The following TMCC1 variants were observed in gnomAD, a reference collection of about 807,000 sequenced individuals.
TMCC1 encodes the protein transmembrane and coiled-coil domains protein 1.
In TMCC1, 15 loss-of-function variants were observed where a neutral mutation model predicts 52.4. The observed-to-expected ratio is 0.29, with a 90% CI of 0.19 to 0.44. The LOEUF is 0.44. Among genes scored for constraint, TMCC1 ranks in the 20% least tolerant of loss-of-function variants. The probability of loss-of-function intolerance (pLI) is 1.00; values close to 1 mark genes in which losing one functional copy is unlikely to be tolerated. For missense variants in TMCC1, 503 were observed against 806.0 expected (o/e 0.62, Z 4.55); for synonymous variants, 279 against 301.9 (o/e 0.92, Z 0.79).
At chr3:129,873,189 C>A (rs1002576325) in intron 2 of TMCC1, among the ~76,000 whole-genome samples, 3 of 152,082 alleles carry the variant, frequency 2.0e-5, no homozygotes, top group Non-Finnish European at 2.9e-5. Context: ...GCATGAGCCA[C>A]CGCGCCCAGC....
intron 5 of TMCC1, 64 bp downstream of exon 5, chr3:129,670,266 C>T: frequency 6.6e-7 from 1 of 1,513,548 alleles, no homozygotes; most frequent in South Asian, 1.3e-5. Flanking sequence ...AAGCCATTTC[C>T]CCATATCTAA....
At chr3:129,708,454 GCTTTTT>G (rs1373709674) in intron 4 of TMCC1, among the ~76,000 whole-genome samples, 1 of 152,134 alleles carries the variant, frequency 6.6e-6, no homozygotes. Flanking sequence ...CATCCTGTTT[GCTTTTT>G]CTTTAACTGA....
At chr3:129,783,446 A>AT (rs374772517) in intron 4 of TMCC1, among the ~76,000 whole-genome samples, 8 of 151,788 alleles carry the variant, frequency 5.3e-5, no homozygotes, top group African/African-American at 7.3e-5. Context: ...TTTTATGATC[A>AT]TTTTTTTTCC....
At chr3:129,726,897 A>AAAAAAAAAAAAAAAAAAAAC (rs2050148706) in intron 4 of TMCC1, among the ~76,000 whole-genome samples, 1 of 142,650 alleles carries the variant, frequency 7.0e-6, no homozygotes, top group Non-Finnish European at 1.5e-5. Context: ...AAAAAAAAAA[A>AAAAAAAAAAAAAAAAAAAAC]AGAACCACTG....
chr3:129,848,972 C>T (rs150312158), intron 2 of TMCC1, among the ~76,000 whole-genome samples: 158 of 152,162 alleles, frequency 1.0e-3, no homozygotes, highest in African/African-American at 3.4e-3. Flanking sequence ...GCCCATTCTA[C>T]AGTCTTATTG....
intron 4 of TMCC1, among the ~76,000 whole-genome samples, chr3:129,770,413 G>C (rs1470540154): frequency 1.3e-5 from 2 of 152,022 alleles, no homozygotes; most frequent in Non-Finnish European, 2.9e-5. Flanking sequence ...TTACTCAGGA[G>C]GCTGAGATAG....
chr3:129,889,478 G>A (rs1429045382), intron 1 of TMCC1, among the ~76,000 whole-genome samples: 6 of 152,178 alleles, frequency 3.9e-5, no homozygotes, highest in Non-Finnish European at 8.8e-5. Context: ...TATGGTCTCT[G>A]TGATAATGTA....
intron 4 of TMCC1, among the ~76,000 whole-genome samples, chr3:129,823,571 G>C (rs185703776): frequency 9.2e-5 from 14 of 151,928 alleles, no homozygotes; most frequent in Non-Finnish European, 1.5e-4. Flanking sequence ...TTCAACATTG[G>C]GCTAACTTGC....
At chr3:129,779,683 T>A (rs765268371) in intron 4 of TMCC1, among the ~76,000 whole-genome samples, 2 of 152,174 alleles carry the variant, frequency 1.3e-5, no homozygotes, top group Non-Finnish European at 2.9e-5. Context: ...AAGACATATC[T>A]TTCCAAGTAA....
At chr3:129,705,260 T>G (rs929459244) in intron 4 of TMCC1, among the ~76,000 whole-genome samples, 1 of 152,168 alleles carries the variant, frequency 6.6e-6, no homozygotes, top group African/African-American at 2.4e-5. Context: ...GCCTGGAGAC[T>G]CTGGTCTTAA....
intron 1 of TMCC1, among the ~76,000 whole-genome samples, chr3:129,887,536 G>A (rs2061768828): frequency 1.5e-5 from 2 of 133,728 alleles, no homozygotes; most frequent in South Asian, 2.3e-4. Context: ...GCAAGACTCC[G>A]TCTCTCAAAA....
intron 4 of TMCC1, among the ~76,000 whole-genome samples, chr3:129,701,856 G>A (rs1024583042): frequency 3.3e-5 from 5 of 152,052 alleles, no homozygotes; most frequent in African/African-American, 1.2e-4. Context: ...ACCACCTCCA[G>A]ACTCAAAGAT....
intron 2 of TMCC1, among the ~76,000 whole-genome samples, chr3:129,874,165 T>C (rs951929430): frequency 1.6e-4 from 25 of 152,344 alleles, no homozygotes; most frequent in African/African-American, 5.8e-4. Context: ...TTTCAACATC[T>C]GCATATTCCT....
chr3:129,771,061 C>G (rs1219935952), intron 4 of TMCC1, among the ~76,000 whole-genome samples: 1 of 152,242 alleles, frequency 6.6e-6, no homozygotes, highest in African/African-American at 2.4e-5. Flanking sequence ...GAATCCCTGA[C>G]AGCTATCCCT....
chr3:129,776,187 C>G (rs2055024813), intron 4 of TMCC1, among the ~76,000 whole-genome samples: 1 of 152,208 alleles, frequency 6.6e-6, no homozygotes, highest in African/African-American at 2.4e-5. Flanking sequence ...CTTGATTTGT[C>G]TTTCTAGGAC....
At chr3:129,757,249 C>T (rs960708150) in intron 4 of TMCC1, among the ~76,000 whole-genome samples, 1 of 152,152 alleles carries the variant, frequency 6.6e-6, no homozygotes, top group Admixed American at 6.5e-5. Flanking sequence ...AAGGCACAGT[C>T]CCACAGGTCC....
At chr3:129,676,666 T>C (rs1317278352) in intron 4 of TMCC1, among the ~76,000 whole-genome samples, 1 of 152,092 alleles carries the variant, frequency 6.6e-6, no homozygotes, top group South Asian at 2.1e-4. Flanking sequence ...TTGAGAATAA[T>C]CACGTGTAAA....
intron 3 of TMCC1, among the ~76,000 whole-genome samples, chr3:129,829,826 T>C (rs1435633085): frequency 6.6e-6 from 1 of 152,138 alleles, no homozygotes; most frequent in Non-Finnish European, 1.5e-5. Context: ...TAGAGTTTAG[T>C]GGAACAGGAA....
intron 4 of TMCC1, among the ~76,000 whole-genome samples, chr3:129,816,346 G>C (rs1423432566): frequency 6.6e-6 from 1 of 152,156 alleles, no homozygotes; most frequent in East Asian, 1.9e-4. Context: ...CTGCCCATCA[G>C]TGGACAAATG....
Sources: allele counts gnomAD v4.1 joint callset (sites outside exome capture counted in the v4.1 genomes callset), GRCh38; gene constraint gnomAD v4.1.1; transcripts MANE v1.5; gene names NCBI Gene and HGNC (gene_info 2026-07-23, HGNC 2026-07-21).